TSHZ1: variants seen among roughly 807,000 people sequenced by gnomAD.
TSHZ1 encodes teashirt homolog 1.
In TSHZ1, 12 loss-of-function variants were observed where a neutral mutation model predicts 67.1. The observed-to-expected ratio is 0.18, with a 90% CI of 0.11 to 0.29. The LOEUF is 0.29. TSHZ1 is among the 10% of genes least tolerant of loss of function. The probability of loss-of-function intolerance (pLI) is 1.00; values close to 1 mark genes in which losing one functional copy is unlikely to be tolerated. For missense variants in TSHZ1, 1,305 were observed against 1,413.9 expected (o/e 0.92, Z 1.23); for synonymous variants, 632 against 622.4 (o/e 1.02, Z -0.23).
At chr18:75,213,356 A>G (rs2122507462) in intron 1 of TSHZ1, among the ~76,000 whole-genome samples, 1 of 152,372 alleles carries the variant, frequency 6.6e-6, no homozygotes, top group South Asian at 2.1e-4. Flanking sequence ...AAACCTTTCA[A>G]AGAGAGTATC....
At position 75,286,741 on chromosome 18, in the gene TSHZ1, C is replaced by T; in HGVS notation, c.1334C>T (p.Thr445Ile). The change falls in exon 2 of 2, where the codon ACC (threonine) becomes ATC (isoleucine). Residue 445 changes from threonine (T) to isoleucine (I), a missense_variant. Physicochemically the swap from Thr to Ile is moderately conservative, Grantham distance 89. Coordinates refer to ENST00000580243, the MANE Select transcript of TSHZ1 (RefSeq NM_001308210.2). This position sits in a 1 kb window ranked among gnomAD's most constrained non-coding sequence, Gnocchi z 5.1. ...GTCACCGGGCACTTCCTGAAAGTGA[C>T]CACCTCGGCTTCTAAGAAGGGCAAG... Reference protein sequence around the residue: ...MMVTGHFLKVTTSASKKGKQL... With the variant: ...MMVTGHFLKVITSASKKGKQL... The T allele has an allele frequency of 6.2e-7, 1 of 1,613,610 alleles. No individual in the cohort carries two copies. The highest frequency in any genetic ancestry group is 8.5e-7 in the Non-Finnish European group (1 of 1,180,038).
chr18:75,270,110 G>A (rs2122594056), intron 1 of TSHZ1, among the ~76,000 whole-genome samples: 1 of 152,210 alleles, frequency 6.6e-6, no homozygotes, highest in East Asian at 1.9e-4. Flanking sequence ...TGCTGATAGA[G>A]ATGGCCCATT....
At chr18:75,249,551 C>T (rs1390686939) in intron 1 of TSHZ1, among the ~76,000 whole-genome samples, 2 of 151,796 alleles carry the variant, frequency 1.3e-5, no homozygotes, top group Non-Finnish European at 2.9e-5. Flanking sequence ...GACCTCCTCG[C>T]CATCTCACCC....
At chr18:75,217,443 G>A (rs1332211801) in intron 1 of TSHZ1, among the ~76,000 whole-genome samples, 1 of 152,018 alleles carries the variant, frequency 6.6e-6, no homozygotes, top group African/African-American at 2.4e-5. Context: ...TGTCATAGTA[G>A]TGTTTTTGTT....
chr18:75,226,588 T>C (rs573173923), intron 1 of TSHZ1, among the ~76,000 whole-genome samples: 2 of 151,116 alleles, frequency 1.3e-5, no homozygotes, highest in African/African-American at 2.4e-5. Context: ...TTTTTTTTTT[T>C]AAATCCTAAG....
chr18:75,217,680 T>A (rs2022788352), intron 1 of TSHZ1, among the ~76,000 whole-genome samples: 1 of 152,220 alleles, frequency 6.6e-6, no homozygotes, highest in South Asian at 2.1e-4. Context: ...AAGACTTTTA[T>A]GTTTCATGCA....
At chr18:75,241,867 A>T (rs1530193) in intron 1 of TSHZ1, among the ~76,000 whole-genome samples, 116,643 of 148,198 alleles carry the variant, frequency 0.79, 46,036 homozygotes, top group South Asian at 0.87. Context: ...GGTGCATCAC[A>T]CCAGTCTCTG....
intron 1 of TSHZ1, among the ~76,000 whole-genome samples, chr18:75,231,599 A>G (rs375976566): frequency 6.6e-6 from 1 of 152,106 alleles, no homozygotes; most frequent in East Asian, 1.9e-4. Context: ...CAGTGGTATG[A>G]TCTTGGCTCA....
rs1305155420 is a variant in TSHZ1, at chr18:75,289,789, G to C, written c.*1148G>C. The C allele has an allele frequency of 6.0e-6, 1 of 167,022 alleles. No individual in the cohort carries two copies. The highest frequency in any genetic ancestry group is 1.5e-5 in the Non-Finnish European group (1 of 68,112). 10.3% of individuals were successfully genotyped at this position (167,022 alleles called of 1,614,324 possible). The stretch of plus-strand genomic sequence containing the variant: ...ATGCATGTACTCAGAGGGACTGTCA[G>C]ACAAAAATAAATACATAAAAACAAA... On this transcript the variant is annotated 3_prime_UTR_variant, in exon 2 of 2. Coordinates refer to ENST00000580243, the MANE Select transcript of TSHZ1 (RefSeq NM_001308210.2).
chr18:75,212,397 C>T (rs1295136228), intron 1 of TSHZ1, among the ~76,000 whole-genome samples: 3 of 102,776 alleles, frequency 2.9e-5, no homozygotes, highest in South Asian at 3.8e-4. Flanking sequence ...GTGCAAGAGG[C>T]CCCCCGCCCC....
At chr18:75,272,546 C>T in intron 1 of TSHZ1, among the ~76,000 whole-genome samples, 1 of 152,190 alleles carries the variant, frequency 6.6e-6, no homozygotes. Flanking sequence ...TTCTCTTTGC[C>T]TAGAGAGTCA....
Position 75,288,407 on chromosome 18 carries a change from C to T in TSHZ1, c.3000C>T (p.Leu1000=), listed in dbSNP as rs1382672215. Residue 1000 remains leucine (L), a synonymous_variant, in exon 2 of 2, where the codon CTC becomes CTT. Coordinates refer to ENST00000580243, the MANE Select transcript of TSHZ1 (RefSeq NM_001308210.2). This position sits in a 1 kb window ranked among gnomAD's most constrained non-coding sequence, Gnocchi z 4.9. ...ACTTGGGCTTCAGCCTGAAGGATCT[C>T]TCCAAGCTGCCACTCAATCAGATTC... is the stretch of plus-strand genomic sequence containing the variant. The part of the protein sequence containing the change: ...ETHLGFSLKD[L]SKLPLNQIQE... 6.2e-7 allele frequency: 1 copy of T among 1,614,228 alleles called. No homozygotes were observed. The highest frequency in any genetic ancestry group is 1.1e-5 in the South Asian group (1 of 91,082).
At chr18:75,248,919 GT>G (rs1318633545) in intron 1 of TSHZ1, among the ~76,000 whole-genome samples, 2 of 152,178 alleles carry the variant, frequency 1.3e-5, no homozygotes, top group African/African-American at 4.8e-5. Context: ...AAGCCATAGG[GT>G]CACCCACCAG....
Position 75,288,508 on chromosome 18 carries a change from G to A in TSHZ1, c.3101G>A (p.Gly1034Asp), listed in dbSNP as rs147969772. ...GPLGATEEDL[G>D]STFQCKLCNR... The stretch of plus-strand genomic sequence containing the variant: ...CTGGGGGCCACCGAGGAAGACTTGG[G>A]CTCCACATTCCAATGTAAGCTCTGC... The change falls in exon 2 of 2, where the codon GGC becomes GAC. Residue 1034 changes from glycine to aspartate, a missense_variant. Coordinates refer to ENST00000580243, the MANE Select transcript of TSHZ1 (RefSeq NM_001308210.2). The surrounding 1 kb of genome is among the most constrained non-coding windows in gnomAD (Gnocchi z 4.9). 6.2e-7 allele frequency: 1 copy of A among 1,614,086 alleles called. No individual in the cohort carries two copies. The highest frequency in any genetic ancestry group is 8.5e-7 in the Non-Finnish European group (1 of 1,180,052).
At chr18:75,247,460 A>G (rs183351012) in intron 1 of TSHZ1, among the ~76,000 whole-genome samples, 1 of 152,332 alleles carries the variant, frequency 6.6e-6, no homozygotes, top group African/African-American at 2.4e-5. Flanking sequence ...AATGGCCTTT[A>G]TGACTTAAAA....
intron 1 of TSHZ1, among the ~76,000 whole-genome samples, chr18:75,280,503 A>G (rs2023671605): frequency 6.6e-6 from 1 of 152,168 alleles, no homozygotes; most frequent in Admixed American, 6.5e-5. Context: ...TGGCATTTAG[A>G]TGTTAATGAG....
chr18:75,244,133 G>A (rs1411073036), intron 1 of TSHZ1, among the ~76,000 whole-genome samples: 5 of 152,170 alleles, frequency 3.3e-5, no homozygotes, highest in African/African-American at 7.2e-5. Context: ...ACAGCGTGGT[G>A]GAGCTGCACT....
intron 1 of TSHZ1, among the ~76,000 whole-genome samples, chr18:75,250,788 G>A (rs886435303): frequency 1.3e-5 from 2 of 152,250 alleles, no homozygotes; most frequent in African/African-American, 4.8e-5. Flanking sequence ...GTCAACAGTG[G>A]CTTGATGTCC....
rs1365436760 is a variant in TSHZ1, at chr18:75,287,213, G to T, written c.1806G>T (p.Gln602His). ...LPAAVQSVQVQPSYAGGVKSL... is the reference protein window; with the variant it reads ...LPAAVQSVQVHPSYAGGVKSL... ...CGGCCGTGCAGAGCGTGCAGGTGCA[G>T]CCGTCCTATGCTGGCGGCGTGAAGT... The change falls in exon 2 of 2, where the codon CAG becomes CAT. Residue 602 changes from glutamine (Q) to histidine (H), a missense_variant. Physicochemically the swap from Gln to His is conservative, Grantham distance 24. Coordinates refer to ENST00000580243, the MANE Select transcript of TSHZ1 (RefSeq NM_001308210.2). The surrounding 1 kb of genome is among the most constrained non-coding windows in gnomAD (Gnocchi z 5.0). The T allele has an allele frequency of 2.5e-6, 4 of 1,613,684 alleles. No individual in the cohort carries two copies. The highest frequency in any genetic ancestry group is 3.4e-6 in the Non-Finnish European group (4 of 1,179,956).
Sources: allele counts gnomAD v4.1 joint callset (sites outside exome capture counted in the v4.1 genomes callset), GRCh38; gene constraint gnomAD v4.1.1; non-coding constraint Gnocchi (gnomAD v3.1); transcripts MANE v1.5; gene names NCBI Gene and HGNC (gene_info 2026-07-23, HGNC 2026-07-21).